BCAS3: variants seen among roughly 807,000 people sequenced by gnomAD.
BCAS3 encodes the protein BCAS4/BCAS3 fusion.
In BCAS3, 53 loss-of-function variants were observed where a neutral mutation model predicts 116.1. The observed-to-expected ratio is 0.46, with a 90% CI of 0.37 to 0.57. The LOEUF (loss-of-function observed/expected upper bound fraction) is 0.57. BCAS3 is among the 20% of genes least tolerant of loss of function. The probability of loss-of-function intolerance (pLI) is 0.00; values close to 1 mark genes in which losing one functional copy is unlikely to be tolerated. For synonymous variants in BCAS3, 391 were observed against 408.2 expected, an observed-to-expected ratio of 0.96 and a Z score of 0.51; for missense variants, 917 against 1,165.4, an observed-to-expected ratio of 0.79 and a Z score of 3.10.
Position 61,134,909 on chromosome 17 carries a change from TAAAAC to T in BCAS3, c.2425+50347_2425+50351del, listed in dbSNP as rs2076537634. 6.6e-6 allele frequency among the ~76,000 whole-genome samples: 1 copy of T among 152,144 alleles called. No individual in the cohort carries two copies. The highest frequency in any genetic ancestry group is 2.4e-5 in the African/African-American group (1 of 41,448). On this transcript the variant is annotated intron_variant, in intron 22 of 23. Transcript: ENST00000407086. This position sits in a 1 kb window ranked among gnomAD's most constrained non-coding sequence, Gnocchi z 4.6. ...ATTGTTGTTTTGTTTTTTTTTGAAA[TAAAAC>T]ATTTGTACAAGTCAGTAAAAGTGAT...
intron 22 of BCAS3, among the ~76,000 whole-genome samples, chr17:61,169,933 CA>C (rs1306063901): frequency 3.9e-5 from 6 of 152,000 alleles, no homozygotes; most frequent in Non-Finnish European, 8.8e-5. Context: ...TGGCTCACTG[CA>C]ACTTCCACCT....
At chr17:61,060,595 C>T (rs746235645) in intron 19 of BCAS3, among the ~76,000 whole-genome samples, 2 of 152,166 alleles carry the variant, frequency 1.3e-5, no homozygotes, top group Non-Finnish European at 2.9e-5. Context: ...GTCAAGATGA[C>T]TCTCTGTCAG....
chr17:60,880,687 T>A (rs1317279179), intron 9 of BCAS3, among the ~76,000 whole-genome samples: 1 of 152,200 alleles, frequency 6.6e-6, no homozygotes, highest in Non-Finnish European at 1.5e-5. Context: ...AGTGCACAAG[T>A]TTTTCAGTGG....
intron 22 of BCAS3, among the ~76,000 whole-genome samples, chr17:61,263,243 C>T (rs1026664864): frequency 4.6e-5 from 7 of 152,196 alleles, no homozygotes; most frequent in African/African-American, 1.7e-4. Flanking sequence ...CAAAGAAGCA[C>T]TGTTAGCACC....
Position 60,808,045 on chromosome 17 carries a change from C to G in BCAS3, c.445C>G (p.Leu149Val), listed in dbSNP as rs757347131. Residue 149 changes from leucine (L) to valine (V), a missense_variant, in exon 7 of 24, where the codon CTT becomes GTT. By Grantham distance (32) the Leu-to-Val change is conservative. Transcript: ENST00000407086. ...TAACTTTGCTGAAAAAAGACCCCTC[C>G]TTGGTGTTTGTAAGAGCATTGGATC... ...CDNFAEKRPL[L>V]GVCKSIGSSG... The G allele has an allele frequency of 1.6e-5, 25 of 1,609,130 alleles. No homozygotes were observed. Among genetic ancestry groups the G allele is most frequent in the Middle Eastern group, 1.6e-4 (1 of 6,064 alleles).
rs35691381 is a variant in BCAS3 at position 60,770,400 on chromosome 17, C to CTTTTTTTTTTTTTTT, written c.403+23144_403+23158dup. Among the ~76,000 whole-genome samples, 3 of 76,876 alleles carry CTTTTTTTTTTTTTTT rather than the reference C, an allele frequency of 3.9e-5. 1 individual carries two copies. The highest frequency in any genetic ancestry group is 5.9e-5 in the Non-Finnish European group (2 of 33,968). 50.4% of individuals were successfully genotyped at this position (76,876 alleles called of 152,430 possible). On this transcript the variant is annotated intron_variant, in intron 6 of 23. Coordinates refer to ENST00000407086, the MANE Select transcript of BCAS3 (RefSeq NM_017679.5). ...CGCCTCTCTCATCCCAGTGTTCCCT[C>CTTTTTTTTTTTTTTT]TTTTTTTTTTTTTTTTTTTTTTTTT...
intron 22 of BCAS3, among the ~76,000 whole-genome samples, chr17:61,094,029 T>A (rs549831162): frequency 1.3e-5 from 2 of 152,348 alleles, no homozygotes; most frequent in South Asian, 2.1e-4. Flanking sequence ...CTTTGTTTTT[T>A]CTACTGTGGT....
intron 14 of BCAS3, among the ~76,000 whole-genome samples, chr17:60,979,708 G>T (rs555787505): frequency 7.2e-5 from 11 of 152,038 alleles, no homozygotes; most frequent in Admixed American, 5.9e-4. Flanking sequence ...AGCATGAAGG[G>T]TTGTTGAATT....
intron 22 of BCAS3, among the ~76,000 whole-genome samples, chr17:61,303,326 C>T (rs746993259): frequency 5.3e-5 from 8 of 152,182 alleles, no homozygotes; most frequent in Non-Finnish European, 1.2e-4. Context: ...TGTAAACAAG[C>T]ACCCGTGTTT....
At chr17:61,262,131 A>C (rs934656211) in intron 22 of BCAS3, among the ~76,000 whole-genome samples, 1 of 152,214 alleles carries the variant, frequency 6.6e-6, no homozygotes, top group Non-Finnish European at 1.5e-5. Flanking sequence ...AAGAATGAAC[A>C]AACTGTTAGA....
chr17:60,993,967 A>C lies in BCAS3; in HGVS notation c.1486+3732A>C, dbSNP rs1037600552. ...TTCCATTTCCTATCTTGTTGCCTGAACATCCACTTAGTCTACTTGAGGACT... is the reference window on the plus strand; with the variant it reads ...TTCCATTTCCTATCTTGTTGCCTGACCATCCACTTAGTCTACTTGAGGACT... On this transcript the variant is annotated intron_variant, in intron 15 of 23. Coordinates refer to ENST00000407086, the MANE Select transcript of BCAS3 (RefSeq NM_017679.5). This position sits in a 1 kb window ranked among gnomAD's most constrained non-coding sequence, Gnocchi z 4.2. 2.0e-5 allele frequency among the ~76,000 whole-genome samples: 3 copies of C among 152,082 alleles called. No individual in the cohort carries two copies. The highest frequency in any genetic ancestry group is 2.4e-5 in the African/African-American group (1 of 41,414).
rs138618207 is a variant in BCAS3, at chr17:61,272,887, G to T, written c.2426-95440G>T. Reference sequence around the variant, plus strand: ...GTCTGTGGTCTCTCTTCACTGTCACGCTGGGGAGTCCCTTTGGCTCACTTC... The same window carrying T: ...GTCTGTGGTCTCTCTTCACTGTCACTCTGGGGAGTCCCTTTGGCTCACTTC... On this transcript the variant is annotated intron_variant, in intron 22 of 23. Coordinates refer to ENST00000407086, the MANE Select transcript of BCAS3 (RefSeq NM_017679.5). 3.8e-3 allele frequency among the ~76,000 whole-genome samples: 581 copies of T among 151,856 alleles called. 16 individuals are homozygous for T. The highest frequency in any genetic ancestry group is 0.032 in the Admixed American group (488 of 15,240).
In BCAS3 at chr17:61,053,349, A is replaced by G. The variant is rs375373870; in HGVS notation, c.2029+12457A>G. On this transcript the variant is annotated intron_variant, in intron 19 of 23. Transcript: ENST00000407086. ...TTTGGGTTTAGAATGAAGTCATTTTAAAAGATTTTACTATCCTGTTGTTTC... is the reference window on the plus strand; with the variant it reads ...TTTGGGTTTAGAATGAAGTCATTTTGAAAGATTTTACTATCCTGTTGTTTC... Among the ~76,000 whole-genome samples, 180 of 152,314 alleles carry G rather than the reference A, an allele frequency of 1.2e-3. 1 individual carries two copies. The highest frequency in any genetic ancestry group is 3.6e-3 in the African/African-American group (151 of 41,562).
At chr17:61,190,697 G>A (rs867916771) in intron 22 of BCAS3, among the ~76,000 whole-genome samples, 7 of 151,574 alleles carry the variant, frequency 4.6e-5, no homozygotes, top group Non-Finnish European at 7.4e-5. Flanking sequence ...ACCGACTCCC[G>A]GGTTCAAGCG....
intron 19 of BCAS3, among the ~76,000 whole-genome samples, chr17:61,074,254 T>C (rs1377158939): frequency 6.9e-6 from 1 of 145,856 alleles, no homozygotes; most frequent in Non-Finnish European, 1.5e-5. Context: ...AAGAAAAAAA[T>C]ACCTTTAGAG....
intron 4 of BCAS3, among the ~76,000 whole-genome samples, chr17:60,700,270 T>G (rs76343948): frequency 0.02 from 3,001 of 152,082 alleles, 105 homozygotes; most frequent in African/African-American, 0.066. Context: ...CTGTTGTAGC[T>G]TAGACAGGGT....
chr17:60,965,039 T>C (rs1399456166), intron 14 of BCAS3, among the ~76,000 whole-genome samples: 1 of 152,124 alleles, frequency 6.6e-6, no homozygotes, highest in Non-Finnish European at 1.5e-5. Flanking sequence ...CATTAGTTCC[T>C]GCTCTGATCT....
intron 22 of BCAS3, among the ~76,000 whole-genome samples, chr17:61,127,503 T>A (rs1205570088): frequency 6.6e-6 from 1 of 152,022 alleles, no homozygotes. Context: ...CTGTATTTTT[T>A]TAAATTTAGA....
rs1308185239 is a variant in BCAS3 at position 60,993,646 on chromosome 17, T to C, written c.1486+3411T>C. Among the ~76,000 whole-genome samples, 1 of 152,208 alleles carries C rather than the reference T, an allele frequency of 6.6e-6. No individual in the cohort carries two copies. The highest frequency in any genetic ancestry group is 1.5e-5 in the Non-Finnish European group (1 of 68,024). On this transcript the variant is annotated intron_variant, in intron 15 of 23. Coordinates refer to ENST00000407086, the MANE Select transcript of BCAS3 (RefSeq NM_017679.5). This position sits in a 1 kb window ranked among gnomAD's most constrained non-coding sequence, Gnocchi z 4.2. Reference sequence around the variant, plus strand: ...TTGTTGGTTAGTTCTAAAAATGATGTATTTACAGTTTGTGTGGGTAAACAG... The same window carrying C: ...TTGTTGGTTAGTTCTAAAAATGATGCATTTACAGTTTGTGTGGGTAAACAG...
Sources: allele counts gnomAD v4.1 joint callset (sites outside exome capture counted in the v4.1 genomes callset), GRCh38; gene constraint gnomAD v4.1.1; non-coding constraint Gnocchi (gnomAD v3.1); transcripts MANE v1.5; gene names NCBI Gene and HGNC (gene_info 2026-07-23, HGNC 2026-07-21).